Variants in MYD88 observed in about 807,000 individuals in gnomAD.
The protein encoded by MYD88 is myeloid differentiation primary response protein MyD88.
In MYD88, 15 loss-of-function variants were observed where a neutral mutation model predicts 31.1. That is an observed-to-expected ratio of 0.48 (90% CI 0.32 to 0.74). The LOEUF (loss-of-function observed/expected upper bound fraction) is 0.74. MYD88 is among the 30% of genes least tolerant of loss of function. MYD88 has a pLI of 0.03. For synonymous variants in MYD88, 157 were observed against 158.8 expected (o/e 0.99, Z 0.08); for missense variants, 308 against 387.4 (o/e 0.79, Z 1.72).
In MYD88 at chr3:38,139,257, A is replaced by T. The variant is rs1417693809; in HGVS notation, c.328+229A>T. ...GGCGGAGATGGGAAGGAAGCAGCTT[A>T]GGCAGAGGCTTTCAGGTAGGGCCAG... On this transcript the variant is annotated intron_variant, in intron 1 of 4. Transcript: ENST00000650905. The surrounding 1 kb of genome is among the most constrained non-coding windows in gnomAD (Gnocchi z 4.7). 1 of 626,080 alleles carries T rather than the reference A, an allele frequency of 1.6e-6. No individual in the cohort carries two copies. Among genetic ancestry groups the T allele is most frequent in the Non-Finnish European group, 2.7e-6 (1 of 366,904 alleles). The allele number at this position is 626,080 out of a possible 1,614,324, so 38.8% of individuals were successfully genotyped here.
Position 38,142,117 on chromosome 3 carries a change from G to A in MYD88, c.*831G>A, listed in dbSNP as rs2125781489. 1 of 233,876 alleles carries A rather than the reference G, an allele frequency of 4.3e-6. No homozygotes were observed. The highest frequency in any genetic ancestry group is 6.0e-5 in the East Asian group (1 of 16,590). 14.5% of individuals were successfully genotyped at this position (233,876 alleles called of 1,614,324 possible). On this transcript the variant is annotated 3_prime_UTR_variant, in exon 5 of 5. Coordinates refer to ENST00000650905, the MANE Select transcript of MYD88 (RefSeq NM_002468.5). ...ATATTCATCAAGTATGAGTTCTGGG[G>A]ATGAGTCACTGTAATGATGTGAGCA...
At position 38,142,879 on chromosome 3, in the gene MYD88, A is replaced by G. The variant is rs6853; in HGVS notation, c.*1593A>G. On this transcript the variant is annotated 3_prime_UTR_variant, in exon 5 of 5. Transcript: ENST00000650905. ...ATACTGGGCATTTTAAAGCCATCTC[A>G]AGAGGCATCTTCTACATGTTTTGTA... 33,180 of 233,104 alleles carry G rather than the reference A, an allele frequency of 0.14. 2,853 individuals carry two copies. The highest frequency in any genetic ancestry group is 0.27 in the Middle Eastern group (216 of 786). 14.4% of individuals were successfully genotyped at this position (233,104 alleles called of 1,614,324 possible).
At position 38,141,649 on chromosome 3, in the gene MYD88, A is replaced by T; in HGVS notation, c.*363A>T. On this transcript the variant is annotated 3_prime_UTR_variant, in exon 5 of 5. Coordinates refer to ENST00000650905, the MANE Select transcript of MYD88 (RefSeq NM_002468.5). ...GAGAACAGAGAGTAGCTGTGTTTGA[A>T]TCCCTGTAGGAAATGGTGAAGCATA... is the stretch of plus-strand genomic sequence containing the variant. 2.3e-6 allele frequency: 1 copy of T among 437,704 alleles called. No individual in the cohort carries two copies. Among genetic ancestry groups the T allele is most frequent in the Non-Finnish European group, 4.3e-6 (1 of 232,822 alleles). The allele number at this position is 437,704 out of a possible 1,614,324, so 27.1% of individuals were successfully genotyped here.
chr3:38,138,868 T>G lies in MYD88; in HGVS notation c.168T>G (p.Phe56Leu). 1 of 1,613,750 alleles carries G rather than the reference T, an allele frequency of 6.2e-7. No homozygotes were observed. Among genetic ancestry groups the G allele is most frequent in the Non-Finnish European group, 8.5e-7 (1 of 1,180,012 alleles). ...CCGCGCTGGCGGAGGAGATGGACTT[T>G]GAGTACTTGGAGATCCGGCAACTGG... ...DWTALAEEMD[F>L]EYLEIRQLET... is the part of the protein sequence containing the mutation. The change falls in exon 1 of 5, where the codon TTT becomes TTG. Residue 56 changes from phenylalanine (F) to leucine (L), a missense_variant. Physicochemically the swap from Phe to Leu is conservative, Grantham distance 22. Coordinates refer to ENST00000650905, the MANE Select transcript of MYD88 (RefSeq NM_002468.5). The surrounding 1 kb of genome is among the most constrained non-coding windows in gnomAD (Gnocchi z 6.4).
chr3:38,139,164 A>G lies in MYD88; in HGVS notation c.328+136A>G, dbSNP rs1162218301. On this transcript the variant is annotated intron_variant, in intron 1 of 4. Coordinates refer to ENST00000650905, the MANE Select transcript of MYD88 (RefSeq NM_002468.5). The surrounding 1 kb of genome is among the most constrained non-coding windows in gnomAD (Gnocchi z 4.7). ...CGAAGAAGCCTGCAGAGGGAGAACC[A>G]TGCGGGTCCCGTTCCTTCTTAATAA... 1.7e-6 allele frequency: 2 copies of G among 1,201,022 alleles called. No individual in the cohort carries two copies. Among genetic ancestry groups the G allele is most frequent in the South Asian group, 1.6e-5 (1 of 62,866 alleles). The allele number at this position is 1,201,022 out of a possible 1,614,324, so 74.4% of individuals were successfully genotyped here. A position where few individuals can be genotyped will look rare whatever the true frequency, so the allele number is the denominator to read the frequency against.
In MYD88 at chr3:38,140,571, T is replaced by C. The variant is rs148149492; in HGVS notation, c.644+3T>C. 1,315 of 1,614,166 alleles carry C rather than the reference T, an allele frequency of 8.1e-4. 12 individuals are homozygous for C. The highest frequency in any genetic ancestry group is 6.7e-3 in the South Asian group (614 of 91,082). ...GCTAGTGAGCTCATCGAAAAGAGGT[T>C]GGCTAGAAGGCCACGGGGTGGGTGC... On this transcript the variant is annotated splice_donor_region_variant and intron_variant, in intron 3 of 4. Transcript: ENST00000650905.
In MYD88 at chr3:38,140,534, G is replaced by A. The variant is rs776995408; in HGVS notation, c.610G>A (p.Val204Ile). 3 of 1,614,116 alleles carry A rather than the reference G, an allele frequency of 1.9e-6. No individual in the cohort carries two copies. The highest frequency in any genetic ancestry group is 2.5e-6 in the Non-Finnish European group (3 of 1,180,048). Reference sequence around the variant, plus strand: ...CCGCGATGTCCTGCCTGGCACCTGTGTCTGGTCTATTGCTAGTGAGCTCAT... The same window carrying A: ...CCGCGATGTCCTGCCTGGCACCTGTATCTGGTCTATTGCTAGTGAGCTCAT... Reference protein sequence around the residue: ...SDRDVLPGTCVWSIASELIEK... With the variant: ...SDRDVLPGTCIWSIASELIEK... The change falls in exon 3 of 5, where the codon GTC becomes ATC. Residue 204 changes from valine to isoleucine, a missense_variant. By Grantham distance (29) the Val-to-Ile change is conservative. Coordinates refer to ENST00000650905, the MANE Select transcript of MYD88 (RefSeq NM_002468.5).
rs749761737 is a variant in MYD88, at chr3:38,142,046, A to C, written c.*760A>C. ...TCCACCTGTCAGGATGCCTGTGGTC[A>C]TGCTCTCAGCTCCACCTGGCATGAG... On this transcript the variant is annotated 3_prime_UTR_variant, in exon 5 of 5. Transcript: ENST00000650905. The C allele has an allele frequency of 5.1e-5, 12 of 235,540 alleles. No homozygotes were observed. Among genetic ancestry groups the C allele is most frequent in the Non-Finnish European group, 8.4e-5 (10 of 119,714 alleles). 14.6% of individuals were successfully genotyped at this position (235,540 alleles called of 1,614,324 possible).
In MYD88 at chr3:38,142,668, G is replaced by A. The variant is rs1701107999; in HGVS notation, c.*1382G>A. 1 of 233,314 alleles carries A rather than the reference G, an allele frequency of 4.3e-6. No individual in the cohort carries two copies. The highest frequency in any genetic ancestry group is 2.2e-5 in the African/African-American group (1 of 45,460). The allele number at this position is 233,314 out of a possible 1,614,324, so 14.5% of individuals were successfully genotyped here. A position where few individuals can be genotyped will look rare whatever the true frequency, so the allele number is the denominator to read the frequency against. ...TGTCCTCTGGGGAGAAGGTGCCATG[G>A]TCTTAGGTGTCTGTGCCCCAGGACA... is the stretch of plus-strand genomic sequence containing the variant. On this transcript the variant is annotated 3_prime_UTR_variant, in exon 5 of 5. Coordinates refer to ENST00000650905, the MANE Select transcript of MYD88 (RefSeq NM_002468.5).
In MYD88 at chr3:38,139,849, G is replaced by A. The variant is rs745751930; in HGVS notation, c.329-15G>A. 3.7e-6 allele frequency: 6 copies of A among 1,612,184 alleles called. No homozygotes were observed. Among genetic ancestry groups the A allele is most frequent in the East Asian group, 4.5e-5 (2 of 44,896 alleles). On this transcript the variant is annotated splice_polypyrimidine_tract_variant and intron_variant, in intron 1 of 4. Transcript: ENST00000650905. The surrounding 1 kb of genome is among the most constrained non-coding windows in gnomAD (Gnocchi z 4.7). ...ACTCCCAGGGAGGCTGCTTTACTCT[G>A]TCTCTTCCCCACAGAGGAGGATTGC...
chr3:38,141,519 T>C lies in MYD88; in HGVS notation c.*233T>C, dbSNP rs971082420. The C allele has an allele frequency of 9.6e-6, 6 of 624,300 alleles. No homozygotes were observed. In the Admixed American group the frequency reaches 1.1e-4, roughly 12 times the overall value. 38.7% of individuals were successfully genotyped at this position (624,300 alleles called of 1,614,324 possible). ...TGCTGGATTATCAGCCAGGACACTA[T>C]AGAACAGGACCAGCTGAGACTAAGA... On this transcript the variant is annotated 3_prime_UTR_variant, in exon 5 of 5. Coordinates refer to ENST00000650905, the MANE Select transcript of MYD88 (RefSeq NM_002468.5).
Position 38,139,383 on chromosome 3 carries a change from C to G in MYD88, c.328+355C>G, listed in dbSNP as rs540982445. ...GTGGACTGTCTTAGAAACCTCAAGT[C>G]CTGGGGAAATGCAGCCCTTCTTTCT... On this transcript the variant is annotated intron_variant, in intron 1 of 4. Transcript: ENST00000650905. The surrounding 1 kb of genome is among the most constrained non-coding windows in gnomAD (Gnocchi z 4.7). 4 of 430,204 alleles carry G rather than the reference C, an allele frequency of 9.3e-6. No individual in the cohort carries two copies. The highest frequency in any genetic ancestry group is 7.9e-5 in the Admixed American group (2 of 25,446). The allele number at this position is 430,204 out of a possible 1,614,324, so 26.6% of individuals were successfully genotyped here.
At position 38,140,552 on chromosome 3, in the gene MYD88, G is replaced by T. The variant is rs1183233798; in HGVS notation, c.628G>T (p.Glu210Ter). ...PGTCVWSIAS[E>*]LIEKRCRRMV... Reference sequence around the variant, plus strand: ...CACCTGTGTCTGGTCTATTGCTAGTGAGCTCATCGAAAAGAGGTTGGCTAG... The same window carrying T: ...CACCTGTGTCTGGTCTATTGCTAGTTAGCTCATCGAAAAGAGGTTGGCTAG... The change falls in exon 3 of 5, where the codon GAG (glutamate) becomes TAG (stop). Residue 210 changes from glutamate (E) to a stop codon, truncating the protein, a stop_gained. Transcript: ENST00000650905. LOFTEE classifies it high-confidence loss of function. 6.2e-7 allele frequency: 1 copy of T among 1,614,222 alleles called. No homozygotes were observed. The highest frequency in any genetic ancestry group is 8.5e-7 in the Non-Finnish European group (1 of 1,180,034).
Position 38,138,971 on chromosome 3 carries a change from G to C in MYD88, c.271G>C (p.Glu91Gln), listed in dbSNP as rs767329251. ...RPGASVGRLL[E>Q]LLTKLGRDDV... Reference sequence around the variant, plus strand: ...TGGCGCCTCTGTAGGCCGACTGCTCGAGCTGCTTACCAAGCTGGGCCGCGA... The same window carrying C: ...TGGCGCCTCTGTAGGCCGACTGCTCCAGCTGCTTACCAAGCTGGGCCGCGA... The change falls in exon 1 of 5, where the codon GAG becomes CAG. Residue 91 changes from glutamate (E) to glutamine (Q), a missense_variant. Glu to Gln is a conservative substitution (Grantham distance 29, BLOSUM62 2). Transcript: ENST00000650905. The surrounding 1 kb of genome is among the most constrained non-coding windows in gnomAD (Gnocchi z 6.4). 6.8e-6 allele frequency: 11 copies of C among 1,608,858 alleles called. No homozygotes were observed. Among genetic ancestry groups the C allele is most frequent in the African/African-American group, 1.3e-5 (1 of 75,064 alleles).
intron 4 of MYD88, 36 bp from the exon 5 acceptor site, chr3:38,141,095 AG>A: frequency 6.2e-7 from 1 of 1,614,172 alleles, no homozygotes; most frequent in Non-Finnish European, 8.5e-7. Flanking sequence ...CCATGGGGCA[AG>A]GGCCTGATGC....
Position 38,141,234 on chromosome 3 carries a change from G to A in MYD88, c.839G>A (p.Cys280Tyr), listed in dbSNP as rs937914897. The A allele has an allele frequency of 1.9e-6, 3 of 1,614,210 alleles. No individual in the cohort carries two copies. In the Admixed American group the frequency reaches 5.0e-5, roughly 27 times the overall value. ...ACTGTCTGCGACTACACCAACCCCT[G>A]CACCAAATCTTGGTTCTGGACTCGC... ...FITVCDYTNP[C>Y]TKSWFWTRLA... The change falls in exon 5 of 5, where the codon TGC becomes TAC. Residue 280 changes from cysteine (C) to tyrosine (Y), a missense_variant. Physicochemically the swap from Cys to Tyr is radical, Grantham distance 194. Coordinates refer to ENST00000650905, the MANE Select transcript of MYD88 (RefSeq NM_002468.5).
rs1701106975 is a variant in MYD88, at chr3:38,142,623, T to C, written c.*1337T>C. 4.3e-6 allele frequency: 1 copy of C among 233,168 alleles called. No homozygotes were observed. Among genetic ancestry groups the C allele is most frequent in the African/African-American group, 2.2e-5 (1 of 45,326 alleles). 14.4% of individuals were successfully genotyped at this position (233,168 alleles called of 1,614,324 possible). The stretch of plus-strand genomic sequence containing the variant: ...TCTCCCTCTCTCCTTCCCAGAGCAA[T>C]TTATACTTTACCCTCAGGCTGTCCT... On this transcript the variant is annotated 3_prime_UTR_variant, in exon 5 of 5. Coordinates refer to ENST00000650905, the MANE Select transcript of MYD88 (RefSeq NM_002468.5).
intron 2 of MYD88, 183 bp downstream of exon 2, chr3:38,140,181 C>G: frequency 1.0e-6 from 1 of 960,748 alleles, no homozygotes; most frequent in South Asian, 1.4e-5. Context: ...GTGAGATGCT[C>G]ATGAAATAAT....
At position 38,142,519 on chromosome 3, in the gene MYD88, T is replaced by A. The variant is rs1701104225; in HGVS notation, c.*1233T>A. 1 of 233,206 alleles carries A rather than the reference T, an allele frequency of 4.3e-6. No homozygotes were observed. Among genetic ancestry groups the A allele is most frequent in the Non-Finnish European group, 8.5e-6 (1 of 118,074 alleles). 14.4% of individuals were successfully genotyped at this position (233,206 alleles called of 1,614,324 possible). ...TGGAAAGGACCCAATGTACCAGTAT[T>A]TATACCTCTAATGAAGCACAGAGAG... On this transcript the variant is annotated 3_prime_UTR_variant, in exon 5 of 5. Coordinates refer to ENST00000650905, the MANE Select transcript of MYD88 (RefSeq NM_002468.5).
Sources: allele counts gnomAD v4.1 joint callset, GRCh38; gene constraint gnomAD v4.1.1; non-coding constraint Gnocchi (gnomAD v3.1); transcripts MANE v1.5; gene names NCBI Gene and HGNC (gene_info 2026-07-23, HGNC 2026-07-21).